FTO: variants seen among roughly 807,000 people sequenced by gnomAD.
FTO encodes alpha-ketoglutarate-dependent dioxygenase FTO.
Under a neutral mutation model 63.9 loss-of-function variants are expected in FTO, and 47 were observed. The ratio of observed to expected loss-of-function variants is 0.74; its 90% CI spans 0.58 to 0.94. The LOEUF (loss-of-function observed/expected upper bound fraction) is 0.94. Ranked by LOEUF, FTO falls within the 40% of genes least tolerant of loss-of-function variation. The pLI, the probability that FTO is intolerant of heterozygous loss-of-function variation, is 0.00. For missense variants in FTO, 562 were observed against 618.1 expected (o/e 0.91, Z 0.96); for synonymous variants, 207 against 224.4 (o/e 0.92, Z 0.69).
chr16:53,796,028 G>GT (rs1057453414), intron 1 of FTO, among the ~76,000 whole-genome samples: 19 of 143,630 alleles, frequency 1.3e-4, no homozygotes, highest in Non-Finnish European at 6.2e-5. Context: ...GTAAGGTTTT[G>GT]TTTTTTTTCT....
At chr16:54,034,094 T>C (rs2084890960) in intron 8 of FTO, 2 of 152,306 alleles carry the variant, frequency 1.3e-5, no homozygotes, top group Middle Eastern at 3.4e-3. Flanking sequence ...TTGCCAAATT[T>C]AAAAGCCATT....
At chr16:53,849,907 G>C (rs532890831) in intron 4 of FTO, among the ~76,000 whole-genome samples, 1 of 152,138 alleles carries the variant, frequency 6.6e-6, no homozygotes, top group East Asian at 1.9e-4. Flanking sequence ...CCCTGATTTA[G>C]ACATTTTATT....
rs372182982 is a variant in FTO, at chr16:53,870,777, A to T, written c.896-3009A>T. 3.9e-5 allele frequency among the ~76,000 whole-genome samples: 6 copies of T among 152,294 alleles called. 1 individual carries two copies. The highest frequency in any genetic ancestry group is 1.4e-4 in the African/African-American group (6 of 41,574). Reference sequence around the variant, plus strand: ...ATATTTGTTACTTATGTTACTTTTTATTCCTTTGAGCAGATCTAAATTCCT... The same window carrying T: ...ATATTTGTTACTTATGTTACTTTTTTTTCCTTTGAGCAGATCTAAATTCCT... On this transcript the variant is annotated intron_variant, in intron 4 of 8. Transcript: ENST00000471389.
At chr16:54,108,465 A>G (rs540630150) in intron 8 of FTO, among the ~76,000 whole-genome samples, 41 of 152,154 alleles carry the variant, frequency 2.7e-4, no homozygotes, top group Non-Finnish European at 4.7e-4. Flanking sequence ...CTTAGGTGCA[A>G]TTTGATTCAA....
At chr16:53,899,564 A>G (rs1014297312) in intron 7 of FTO, among the ~76,000 whole-genome samples, 1 of 152,318 alleles carries the variant, frequency 6.6e-6, no homozygotes, top group African/African-American at 2.4e-5. Flanking sequence ...TCCTTTGGGT[A>G]TGCAATAGCT....
At chr16:53,796,225 G>A (rs767351127) in intron 1 of FTO, among the ~76,000 whole-genome samples, 1 of 151,968 alleles carries the variant, frequency 6.6e-6, no homozygotes, top group Non-Finnish European at 1.5e-5. Context: ...TGAATTTTTA[G>A]TAGAGATGGG....
rs555106624 is a variant in FTO at position 53,914,651 on chromosome 16, A to G, written c.1240-19334A>G. ...ATTACTGGAAAAGCGCTTTGTGTTT[A>G]AGGATAGGTATTCCCGTGTGGAAGG... On this transcript the variant is annotated intron_variant, in intron 7 of 8. Coordinates refer to ENST00000471389, the MANE Select transcript of FTO (RefSeq NM_001080432.3). Among the ~76,000 whole-genome samples, 9 of 152,284 alleles carry G rather than the reference A, an allele frequency of 5.9e-5. No individual in the cohort carries two copies. In the East Asian group the frequency reaches 1.5e-3, roughly 26 times the overall value.
intron 7 of FTO, among the ~76,000 whole-genome samples, chr16:53,891,330 T>A (rs2081142992): frequency 6.8e-6 from 1 of 147,162 alleles, no homozygotes; most frequent in Admixed American, 6.9e-5. Flanking sequence ...AAAAAAAAAT[T>A]GTTTTTGTTC....
intron 8 of FTO, chr16:53,965,844 C>T (rs2083184518): frequency 6.6e-6 from 1 of 151,740 alleles, no homozygotes; most frequent in Non-Finnish European, 1.5e-5. Flanking sequence ...ATAATAATGC[C>T]AACCTTATAG....
In FTO at chr16:53,796,326, G is replaced by A. The variant is rs575317636; in HGVS notation, c.46-13814G>A. Reference sequence around the variant, plus strand: ...CCCAAAGTGCCGGGACTGTAGGAGCGAGCCACTGCTCCTGGCCTAGTTTTT... The same window carrying A: ...CCCAAAGTGCCGGGACTGTAGGAGCAAGCCACTGCTCCTGGCCTAGTTTTT... On this transcript the variant is annotated intron_variant, in intron 1 of 8. Transcript: ENST00000471389. Among the ~76,000 whole-genome samples, 214 of 152,266 alleles carry A rather than the reference G, an allele frequency of 1.4e-3. 3 individuals are homozygous for A. The highest frequency in any genetic ancestry group is 5.0e-3 in the African/African-American group (207 of 41,554).
chr16:53,886,488 T>C (rs1474681470), intron 6 of FTO, among the ~76,000 whole-genome samples: 1 of 152,236 alleles, frequency 6.6e-6, no homozygotes, highest in South Asian at 2.1e-4. Context: ...TAAACCAGTA[T>C]CTTCACAGAA....
chr16:53,915,507 C>G (rs1310192366), intron 7 of FTO, among the ~76,000 whole-genome samples: 3 of 152,146 alleles, frequency 2.0e-5, no homozygotes, highest in Non-Finnish European at 4.4e-5. Flanking sequence ...ATTTATTTGT[C>G]AGGCAAGAAA....
At chr16:54,041,079 G>T (rs2085064547) in intron 8 of FTO, among the ~76,000 whole-genome samples, 2 of 152,250 alleles carry the variant, frequency 1.3e-5, no homozygotes, top group South Asian at 4.1e-4. Context: ...ATGACTAAGG[G>T]TACTATTACT....
At chr16:54,014,363 C>T (rs1878094747) in intron 8 of FTO, among the ~76,000 whole-genome samples, 1 of 152,014 alleles carries the variant, frequency 6.6e-6, no homozygotes, top group African/African-American at 2.4e-5. Flanking sequence ...TTTGTGAGAG[C>T]TGACTTTTGA....
At chr16:53,862,323 G>A (rs2080197348) in intron 4 of FTO, among the ~76,000 whole-genome samples, 1 of 152,144 alleles carries the variant, frequency 6.6e-6, no homozygotes, top group African/African-American at 2.4e-5. Flanking sequence ...GATATTTGAT[G>A]TTGGGAGATG....
At chr16:53,961,881 G>C (rs2083088941) in intron 8 of FTO, among the ~76,000 whole-genome samples, 1 of 152,122 alleles carries the variant, frequency 6.6e-6, no homozygotes, top group South Asian at 2.1e-4. Flanking sequence ...TGTGAAATAA[G>C]ACTTCCCACC....
intron 1 of FTO, among the ~76,000 whole-genome samples, chr16:53,766,292 C>T (rs948428333): frequency 6.6e-6 from 1 of 152,094 alleles, no homozygotes; most frequent in Non-Finnish European, 1.5e-5. Flanking sequence ...GTGGCGCGAT[C>T]GTGGCTCACT....
chr16:53,870,198 C>A (rs942822810), intron 4 of FTO, among the ~76,000 whole-genome samples: 1 of 152,134 alleles, frequency 6.6e-6, no homozygotes, highest in African/African-American at 2.4e-5. Flanking sequence ...ACAAGTGAGA[C>A]CCTGTCTCCT....
chr16:54,027,870 T>A (rs755882458), intron 8 of FTO, among the ~76,000 whole-genome samples: 22 of 152,218 alleles, frequency 1.4e-4, no homozygotes, highest in Admixed American at 2.6e-4. Flanking sequence ...CTCTTGTTTT[T>A]TTGTATCAAG....
Sources: allele counts gnomAD v4.1 joint callset (sites outside exome capture counted in the v4.1 genomes callset), GRCh38; gene constraint gnomAD v4.1.1; transcripts MANE v1.5; gene names NCBI Gene and HGNC (gene_info 2026-07-23, HGNC 2026-07-21).